The following DCX variants were observed in gnomAD, a reference collection of about 807,000 sequenced individuals.
DCX encodes the protein doublecortin.
DCX carries 4 observed loss-of-function variants against 20.9 expected under a neutral mutation model. The observed-to-expected ratio is 0.19, with a 90% CI of 0.09 to 0.44. DCX has a LOEUF of 0.44. DCX is among the 20% of genes least tolerant of loss of function. The probability of loss-of-function intolerance (pLI) is 0.99; values close to 1 mark genes in which losing one functional copy is unlikely to be tolerated. For synonymous variants in DCX, 103 were observed against 111.4 expected (o/e 0.92, Z 0.47); for missense variants, 133 against 296.9 (o/e 0.45, Z 4.06).
At chrX:111,324,655 G>C (rs2095095267) in intron 5 of DCX, among the ~76,000 whole-genome samples, 1 of 111,880 alleles carries the variant, frequency 8.9e-6, no homozygotes, top group South Asian at 3.8e-4. Flanking sequence ...TACAAGTAAA[G>C]CGATTAGAAC....
In DCX at chrX:111,391,131, G is replaced by A. The variant is rs144305294; in HGVS notation, c.705+9859C>T. ...AATTGTAATTCCCAATTTTGGAGGC[G>A]GGACCTGGTGGGAGGTGATTGAATC... On this transcript the variant is annotated intron_variant, in intron 3 of 6. Transcript: ENST00000636035. 4.2e-3 allele frequency among the ~76,000 whole-genome samples: 464 copies of A among 111,137 alleles called. 6 individuals carry two copies. The highest frequency in any genetic ancestry group is 0.014 in the African/African-American group (428 of 30,481).
intron 3 of DCX, among the ~76,000 whole-genome samples, chrX:111,361,413 T>G (rs976917354): frequency 2.7e-5 from 3 of 112,063 alleles, no homozygotes; most frequent in African/African-American, 6.5e-5. Flanking sequence ...GACTGGGTGA[T>G]CCCATAAAGT....
chrX:111,320,839 T>TCA (rs1428591503), intron 5 of DCX, among the ~76,000 whole-genome samples: 7 of 109,305 alleles, frequency 6.4e-5, no homozygotes, highest in African/African-American at 2.0e-4. Flanking sequence ...TCTCTCTCTC[T>TCA]CTCACACACA....
intron 6 of DCX, among the ~76,000 whole-genome samples, chrX:111,307,762 T>G (rs2095048783): frequency 8.9e-6 from 1 of 112,173 alleles, no homozygotes; most frequent in Non-Finnish European, 1.9e-5. Context: ...TGGAGGCCAC[T>G]TTGAGTCCCA....
In DCX at chrX:111,295,028, A is replaced by G. The variant is rs1163095303; in HGVS notation, c.*6659T>C. ...AGAACTTACCACACGTGGGAAATGC[A>G]AAATTCAATAAAACATGCATTAGTT... On this transcript the variant is annotated 3_prime_UTR_variant, in exon 7 of 7. Transcript: ENST00000636035. 8.9e-6 allele frequency: 1 copy of G among 112,980 alleles called. No homozygotes were observed. Among genetic ancestry groups the G allele is most frequent in the African/African-American group, 3.2e-5 (1 of 31,017 alleles). 9.3% of individuals were successfully genotyped at this position (112,980 alleles called of 1,213,427 possible).
In DCX at chrX:111,298,628, G is replaced by A. The variant is rs193043715; in HGVS notation, c.*3059C>T. 29 of 111,894 alleles carry A rather than the reference G, an allele frequency of 2.6e-4. No individual in the cohort carries two copies. Among genetic ancestry groups the A allele is most frequent in the South Asian group, 1.2e-3 (3 of 2,596 alleles). The allele number at this position is 111,894 out of a possible 1,213,427, so 9.2% of individuals were successfully genotyped here. On this transcript the variant is annotated 3_prime_UTR_variant, in exon 7 of 7. Coordinates refer to ENST00000636035, the MANE Select transcript of DCX (RefSeq NM_001195553.2). ...GGAAATTACTTTACCTCTGTGTCTC[G>A]GTTTCCTGGCCTGAAGAATGAGAAA...
At chrX:111,409,063 CACA>C (rs1240493677) in intron 2 of DCX, among the ~76,000 whole-genome samples, 1 of 111,585 alleles carries the variant, frequency 9.0e-6, no homozygotes, top group Non-Finnish European at 1.9e-5. Context: ...TGAGGAGGAA[CACA>C]TTAATTATCA....
intron 3 of DCX, among the ~76,000 whole-genome samples, chrX:111,361,663 T>C (rs1924221488): frequency 8.9e-6 from 1 of 112,386 alleles, no homozygotes; most frequent in Admixed American, 9.4e-5. Flanking sequence ...CATCAAAGGC[T>C]CATTTGTAGC....
At chrX:111,336,808 T>A (rs1921774884) in intron 3 of DCX, among the ~76,000 whole-genome samples, 1 of 112,264 alleles carries the variant, frequency 8.9e-6, no homozygotes, top group African/African-American at 3.2e-5. Context: ...CATTAGAACA[T>A]CTTACTGGAT....
In DCX at chrX:111,297,179, A is replaced by G. The variant is rs1711913572; in HGVS notation, c.*4508T>C. ...TTCCAATCATCTTTTTAAAAAATCA[A>G]TGCCTTTTATTTCCATAGCAAACTG... On this transcript the variant is annotated 3_prime_UTR_variant, in exon 7 of 7. Coordinates refer to ENST00000636035, the MANE Select transcript of DCX (RefSeq NM_001195553.2). 1.8e-5 allele frequency: 2 copies of G among 112,027 alleles called. No individual in the cohort carries two copies. The highest frequency in any genetic ancestry group is 3.8e-4 in the South Asian group (1 of 2,649). 9.2% of individuals were successfully genotyped at this position (112,027 alleles called of 1,213,427 possible).
At chrX:111,379,614 A>C (rs1925806822) in intron 3 of DCX, among the ~76,000 whole-genome samples, 1 of 111,627 alleles carries the variant, frequency 9.0e-6, no homozygotes, top group African/African-American at 3.3e-5. Context: ...CCATTCTTTC[A>C]TCGATGGGAA....
intron 3 of DCX, among the ~76,000 whole-genome samples, chrX:111,370,886 AT>A (rs1181714164): frequency 1.8e-5 from 2 of 111,896 alleles, no homozygotes; most frequent in Admixed American, 9.5e-5. Flanking sequence ...GGTGATCCAA[AT>A]TTTTTTCTAA....
intron 3 of DCX, among the ~76,000 whole-genome samples, chrX:111,368,901 T>TATACACACAC (rs1467693516): frequency 0.019 from 1,859 of 98,244 alleles, 46 homozygotes; most frequent in African/African-American, 0.067. Context: ...TATATATACA[T>TATACACACAC]ACACACACAC....
At chrX:111,389,012 G>T (rs1469838488) in intron 3 of DCX, among the ~76,000 whole-genome samples, 1 of 111,516 alleles carries the variant, frequency 9.0e-6, no homozygotes, top group African/African-American at 3.3e-5. Context: ...GATAGATCTG[G>T]AGCATGGGAA....
At chrX:111,303,498 C>T (rs1441894691) in intron 6 of DCX, among the ~76,000 whole-genome samples, 1 of 111,335 alleles carries the variant, frequency 9.0e-6, no homozygotes, top group East Asian at 2.8e-4. Flanking sequence ...ATTTATTTAA[C>T]ATTGGGAATT....
intron 5 of DCX, among the ~76,000 whole-genome samples, chrX:111,325,049 C>T (rs1389698436): frequency 2.7e-5 from 3 of 111,747 alleles, no homozygotes; most frequent in African/African-American, 9.8e-5. Context: ...CTGTCAAGGA[C>T]ACCACTTCCC....
At chrX:111,359,877 C>T (rs1261601468) in intron 3 of DCX, among the ~76,000 whole-genome samples, 3 of 111,737 alleles carry the variant, frequency 2.7e-5, no homozygotes, top group Admixed American at 9.5e-5. Flanking sequence ...GTATGAAAAA[C>T]AGCACTCTTA....
At chrX:111,341,406 A>G (rs1040749370) in intron 3 of DCX, among the ~76,000 whole-genome samples, 11 of 111,372 alleles carry the variant, frequency 9.9e-5, no homozygotes, top group Middle Eastern at 4.6e-3. Context: ...TGATTGCAGT[A>G]CATAAAGGAG....
intron 3 of DCX, among the ~76,000 whole-genome samples, chrX:111,358,951 AT>A (rs1923981648): frequency 8.9e-6 from 1 of 112,250 alleles, no homozygotes; most frequent in Non-Finnish European, 1.9e-5. Context: ...AATAGAAGAT[AT>A]TTTAATTTTT....
Sources: gnomAD v4.1 joint callset for allele counts (sites outside exome capture counted in the v4.1 genomes callset) on GRCh38, gnomAD v4.1.1 for gene constraint, MANE v1.5 for transcripts, NCBI Gene and HGNC (gene_info 2026-07-23, HGNC 2026-07-21) for gene names.